Variants in BLK observed in about 807,000 individuals in gnomAD.
BLK encodes the protein BLK proto-oncogene, Src family tyrosine kinase, also known as tyrosine-protein kinase Blk.
Under a neutral mutation model 61.8 loss-of-function variants are expected in BLK, and 64 were observed. The ratio of observed to expected loss-of-function variants is 1.03; its 90% CI spans 0.85 to 1.27. The LOEUF (loss-of-function observed/expected upper bound fraction) is 1.27, where lower values mean the gene tolerates loss of function less well. Ranked by LOEUF, BLK falls within the 50% of genes most tolerant of loss-of-function variation. The pLI is 0.00. For missense variants in BLK, 853 were observed against 660.5 expected, an observed-to-expected ratio of 1.29 and a Z score of -3.19; for synonymous variants, 351 against 272.0, an observed-to-expected ratio of 1.29 and a Z score of -2.86.
chr8:11,515,336 A>G (rs1361217276), intron 1 of BLK, among the ~76,000 whole-genome samples: 1 of 152,008 alleles, frequency 6.6e-6, no homozygotes, highest in Non-Finnish European at 1.5e-5. Context: ...TGTAGAGTGG[A>G]GGTCTGGAAG....
In BLK at chr8:11,545,840, A is replaced by C. The variant is rs532486062; in HGVS notation, c.124-212A>C. 122 of 629,786 alleles carry C rather than the reference A, an allele frequency of 1.9e-4. No individual in the cohort carries two copies. In the African/African-American group the frequency reaches 2.0e-3, roughly 10 times the overall value. The allele number at this position is 629,786 out of a possible 1,614,324, so 39.0% of individuals were successfully genotyped here. A position where few individuals can be genotyped will look rare whatever the true frequency, so the allele number is the denominator to read the frequency against. The stretch of plus-strand genomic sequence containing the variant: ...CATTGGGGCATCCCCCAGCGCGGTC[A>C]GGGCAAAGGCAGCAGAGGGCGGGGG... On this transcript the variant is annotated intron_variant, in intron 2 of 12. Coordinates refer to ENST00000259089, the MANE Select transcript of BLK (RefSeq NM_001715.3).
intron 1 of BLK, among the ~76,000 whole-genome samples, chr8:11,526,709 A>G (rs1006835380): frequency 6.6e-6 from 1 of 152,050 alleles, no homozygotes; most frequent in South Asian, 2.1e-4. Context: ...ACAGAGCAAG[A>G]CTCTGTCTCA....
In BLK at chr8:11,528,690, G is replaced by T. The variant is rs528734880; in HGVS notation, c.-1-14534G>T. ...ATGTATTCAAGTGCAACTTGTTGGG[G>T]TCCAACATGTGTATAACGAAAACAT... On this transcript the variant is annotated intron_variant, in intron 1 of 12. Coordinates refer to ENST00000259089, the MANE Select transcript of BLK (RefSeq NM_001715.3). Among the ~76,000 whole-genome samples, 30 of 152,310 alleles carry T rather than the reference G, an allele frequency of 2.0e-4. No homozygotes were observed. The South Asian group carries it at 6.0e-3, about 30-fold the overall frequency.
intron 1 of BLK, among the ~76,000 whole-genome samples, chr8:11,500,778 G>T (rs968059316): frequency 6.6e-6 from 1 of 152,146 alleles, no homozygotes; most frequent in Non-Finnish European, 1.5e-5. Flanking sequence ...CTCCCAAAGT[G>T]CTGGGATTAC....
At chr8:11,505,617 T>G (rs146972167) in intron 1 of BLK, among the ~76,000 whole-genome samples, 2 of 152,222 alleles carry the variant, frequency 1.3e-5, no homozygotes, top group Non-Finnish European at 2.9e-5. Flanking sequence ...CTCATTTCTC[T>G]GTCTTCAGAA....
intron 10 of BLK, chr8:11,560,394 CATGGATGGATGGATGCATGGATAG>C (rs1169222160): frequency 4.8e-6 from 1 of 207,482 alleles, no homozygotes; most frequent in Non-Finnish European, 9.2e-6. Flanking sequence ...TGGATGGATG[CATGGATGGATGGATGCATGGATAG>C]ATGGATGGAT....
intron 6 of BLK, among the ~76,000 whole-genome samples, chr8:11,551,825 G>T (rs912922210): frequency 1.3e-5 from 2 of 152,160 alleles, no homozygotes; most frequent in Admixed American, 6.5e-5. Context: ...GAAACAGGAA[G>T]TGACTTGCTG....
chr8:11,560,788 T>C (rs1437942092), intron 10 of BLK: 3 of 448,684 alleles, frequency 6.7e-6, no homozygotes, highest in Non-Finnish European at 1.4e-5. Flanking sequence ...CCCCCTGCCC[T>C]GGAGACCACA....
Position 11,563,066 on chromosome 8 carries a change from T to A in BLK, c.1268T>A (p.Val423Asp), listed in dbSNP as rs1233705048. ...TIKADVWSFG[V>D]LLMEVVTYGR... Reference sequence around the variant, plus strand: ...AAAGCAGACGTGTGGTCGTTTGGAGTCCTCCTGATGGAAGTTGTCACTTAT... The same window carrying A: ...AAAGCAGACGTGTGGTCGTTTGGAGACCTCCTGATGGAAGTTGTCACTTAT... Residue 423 changes from valine (V) to aspartate (D), a missense_variant, in exon 12 of 13, where the codon GTC (valine) becomes GAC (aspartate). Coordinates refer to ENST00000259089, the MANE Select transcript of BLK (RefSeq NM_001715.3). The A allele has an allele frequency of 1.9e-6, 3 of 1,613,858 alleles. No individual in the cohort carries two copies. The Admixed American group carries it at 5.0e-5, about 27-fold the overall frequency.
At chr8:11,510,544 G>C (rs538617620) in intron 1 of BLK, among the ~76,000 whole-genome samples, 1 of 152,246 alleles carries the variant, frequency 6.6e-6, no homozygotes, top group African/African-American at 2.4e-5. Flanking sequence ...TATAGGGATA[G>C]TGTCTGTAGT....
chr8:11,516,588 C>T (rs929517451), intron 1 of BLK, among the ~76,000 whole-genome samples: 4 of 152,130 alleles, frequency 2.6e-5, no homozygotes, highest in Non-Finnish European at 5.9e-5. Context: ...ACTAACTCCC[C>T]GACCCAGCCC....
rs140314128 is a variant in BLK, at chr8:11,531,095, C to T, written c.-1-12129C>T. On this transcript the variant is annotated intron_variant, in intron 1 of 12. Transcript: ENST00000259089. ...TAGTTGCCATTCCCCTAATGACTGA[C>T]GACACCGAACACCTGTTCATGGGTT... Among the ~76,000 whole-genome samples the T allele has an allele frequency of 3.3e-3, 498 of 152,256 alleles. 1 individual carries two copies. The highest frequency in any genetic ancestry group is 0.02 in the Middle Eastern group (6 of 294).
At chr8:11,510,635 C>G (rs189974130) in intron 1 of BLK, among the ~76,000 whole-genome samples, 57 of 152,230 alleles carry the variant, frequency 3.7e-4, no homozygotes, top group African/African-American at 1.3e-3. Flanking sequence ...CTCTTTCCCC[C>G]TTTCTGGGAA....
intron 1 of BLK, among the ~76,000 whole-genome samples, chr8:11,497,904 G>A (rs888652821): frequency 8.5e-5 from 13 of 152,184 alleles, no homozygotes; most frequent in African/African-American, 2.9e-4. Context: ...GCACCTGCCA[G>A]CTGGGAGTGT....
At chr8:11,527,794 C>G (rs1324366508) in intron 1 of BLK, among the ~76,000 whole-genome samples, 1 of 151,310 alleles carries the variant, frequency 6.6e-6, no homozygotes, top group Middle Eastern at 3.2e-3. Flanking sequence ...AAAAAAATCT[C>G]AAAAGACCAA....
In BLK at chr8:11,545,083, C is replaced by A. The variant is rs117877195; in HGVS notation, c.124-969C>A. ...ATTATTCATGTTGTAAACTTTAAAT[C>A]AACTACATCAAACAGCGCATATGCT... On this transcript the variant is annotated intron_variant, in intron 2 of 12. Transcript: ENST00000259089. 3.9e-5 allele frequency among the ~76,000 whole-genome samples: 6 copies of A among 152,314 alleles called. No homozygotes were observed. The East Asian group carries it at 1.2e-3, about 29-fold the overall frequency.
chr8:11,540,823 T>C (rs561357829), intron 1 of BLK, among the ~76,000 whole-genome samples: 2 of 143,308 alleles, frequency 1.4e-5, no homozygotes, highest in African/African-American at 2.6e-5. Flanking sequence ...GAGGAACAGA[T>C]AACCCCACTG....
At chr8:11,558,822 TACAC>T (rs1276568935) in intron 10 of BLK, 1 of 455,052 alleles carries the variant, frequency 2.2e-6, no homozygotes, top group African/African-American at 2.0e-5. Context: ...TGCGTACACA[TACAC>T]ACACACATAC....
chr8:11,543,320 C>A lies in BLK; in HGVS notation c.96C>A (p.Asp32Glu). The change falls in exon 2 of 13, where the codon GAC becomes GAA. Residue 32 changes from aspartate (D) to glutamate (E), a missense_variant. By Grantham distance (45) the Asp-to-Glu change is conservative. Coordinates refer to ENST00000259089, the MANE Select transcript of BLK (RefSeq NM_001715.3). ...QWSPLKVSAQ[D>E]KDAPPLPPLV... ...GCCCCCTGAAGGTCAGCGCCCAAGA[C>A]AAGGACGCCCCGCCACTGCCGCCCC... 6.2e-7 allele frequency: 1 copy of A among 1,613,004 alleles called. No homozygotes were observed. The highest frequency in any genetic ancestry group is 8.5e-7 in the Non-Finnish European group (1 of 1,179,972).
Sources: gnomAD v4.1 joint callset for allele counts (sites outside exome capture counted in the v4.1 genomes callset) on GRCh38, gnomAD v4.1.1 for gene constraint, MANE v1.5 for transcripts, NCBI Gene and HGNC (gene_info 2026-07-23, HGNC 2026-07-21) for gene names.